LGR5: variants seen among roughly 807,000 people sequenced by gnomAD.
LGR5 encodes leucine-rich repeat-containing G protein-coupled receptor 5.
A neutral mutation model predicts 76.7 loss-of-function variants in LGR5; 54 were observed. The ratio of observed to expected loss-of-function variants is 0.70; its 90% CI spans 0.57 to 0.88. The LOEUF (loss-of-function observed/expected upper bound fraction) is 0.88. LGR5 is among the 40% of genes least tolerant of loss of function. The pLI is 0.00. For missense variants in LGR5, 1,078 were observed against 1,073.3 expected (o/e 1.00, Z -0.06); for synonymous variants, 406 against 421.9 (o/e 0.96, Z 0.46).
rs934262969 is a variant in LGR5 at position 71,583,911 on chromosome 12, G to C, written c.1901G>C (p.Gly634Ala). 2 of 1,614,030 alleles carry C rather than the reference G, an allele frequency of 1.2e-6. No homozygotes were observed. The highest frequency in any genetic ancestry group is 1.7e-6 in the Non-Finnish European group (2 of 1,180,036). The stretch of plus-strand genomic sequence containing the variant: ...CGACATGGTGCCTGGTGGGAGAATG[G>C]GGTTGGTTGCCATGTCATTGGTTTT... ...FARHGAWWEN[G>A]VGCHVIGFLS... Residue 634 changes from glycine (G) to alanine (A), a missense_variant, in exon 18 of 18, where the codon GGG (glycine) becomes GCG (alanine). Coordinates refer to ENST00000266674, the MANE Select transcript of LGR5 (RefSeq NM_003667.4).
At chr12:71,514,388 G>A (rs1469509912) in intron 2 of LGR5, among the ~76,000 whole-genome samples, 5 of 152,080 alleles carry the variant, frequency 3.3e-5, no homozygotes, top group Middle Eastern at 3.4e-3. Flanking sequence ...CTAACACAGT[G>A]AAACCCCGTA....
At chr12:71,515,680 GA>G (rs1352594812) in intron 2 of LGR5, among the ~76,000 whole-genome samples, 2 of 152,170 alleles carry the variant, frequency 1.3e-5, no homozygotes, top group Non-Finnish European at 2.9e-5. Context: ...CAAATTTCTA[GA>G]AGAAATTAAT....
chr12:71,458,334 T>A (rs1225453906), intron 1 of LGR5, among the ~76,000 whole-genome samples: 1 of 152,092 alleles, frequency 6.6e-6, no homozygotes, highest in African/African-American at 2.4e-5. Context: ...AGGGCCTCTG[T>A]GAGGTTGGAG....
intron 13 of LGR5, among the ~76,000 whole-genome samples, chr12:71,576,914 T>C (rs1239505216): frequency 1.3e-5 from 2 of 152,188 alleles, no homozygotes; most frequent in African/African-American, 4.8e-5. Flanking sequence ...CCGCCATTTG[T>C]AGCTTTTCTA....
chr12:71,515,234 A>T (rs538632028), intron 2 of LGR5, among the ~76,000 whole-genome samples: 1 of 152,390 alleles, frequency 6.6e-6, no homozygotes, highest in Non-Finnish European at 1.5e-5. Context: ...CTATAAATGT[A>T]GTTGGCCCTA....
intron 1 of LGR5, among the ~76,000 whole-genome samples, chr12:71,488,507 A>C: frequency 6.6e-6 from 1 of 152,140 alleles, no homozygotes; most frequent in Non-Finnish European, 1.5e-5. Context: ...CCCAGTTTCC[A>C]CGTTCTAGGC....
At chr12:71,548,269 G>A (rs1402833949) in intron 4 of LGR5, among the ~76,000 whole-genome samples, 2 of 148,628 alleles carry the variant, frequency 1.3e-5, no homozygotes, top group African/African-American at 4.9e-5. Flanking sequence ...AATCAGTGGT[G>A]TATCAGGAAC....
intron 1 of LGR5, among the ~76,000 whole-genome samples, chr12:71,464,513 C>T (rs1055165212): frequency 6.6e-6 from 1 of 151,986 alleles, no homozygotes; most frequent in African/African-American, 2.4e-5. Flanking sequence ...AAGGGTTAAA[C>T]ACAAATAGAG....
intron 1 of LGR5, among the ~76,000 whole-genome samples, chr12:71,483,679 G>C (rs975298195): frequency 2.6e-5 from 4 of 152,156 alleles, no homozygotes; most frequent in Non-Finnish European, 4.4e-5. Flanking sequence ...CCTTGGGAAA[G>C]CTACTTAAGT....
chr12:71,491,881 T>C (rs1874090412), intron 1 of LGR5, among the ~76,000 whole-genome samples: 1 of 150,498 alleles, frequency 6.6e-6, no homozygotes, highest in Non-Finnish European at 1.5e-5. Context: ...TTGAATTTGT[T>C]GCACATAAGT....
intron 1 of LGR5, among the ~76,000 whole-genome samples, chr12:71,501,044 T>C (rs544975986): frequency 9.2e-5 from 14 of 152,324 alleles, no homozygotes; most frequent in South Asian, 6.2e-4. Context: ...TGTGGCTTCA[T>C]TGATTTTTAG....
intron 4 of LGR5, among the ~76,000 whole-genome samples, chr12:71,537,863 C>T (rs968313856): frequency 1.3e-5 from 2 of 152,210 alleles, no homozygotes; most frequent in Non-Finnish European, 2.9e-5. Context: ...AAAGTCTCCA[C>T]TCCATTGCCA....
At chr12:71,445,325 A>G (rs1871938122) in intron 1 of LGR5, among the ~76,000 whole-genome samples, 1 of 152,210 alleles carries the variant, frequency 6.6e-6, no homozygotes. Context: ...CTGGTATATT[A>G]CAAATAAAAC....
At chr12:71,579,286 C>T (rs1148998) in intron 15 of LGR5, among the ~76,000 whole-genome samples, 141,233 of 152,250 alleles carry the variant, frequency 0.93, 66,290 homozygotes, top group East Asian at 1. Flanking sequence ...CTTGTATGTA[C>T]CTAATAAAAT....
chr12:71,492,473 T>C (rs1172725634), intron 1 of LGR5, among the ~76,000 whole-genome samples: 2 of 152,198 alleles, frequency 1.3e-5, no homozygotes, highest in Non-Finnish European at 2.9e-5. Context: ...GTTGGTTTAT[T>C]AGGGTGGGGT....
At chr12:71,457,582 T>C (rs1197312182) in intron 1 of LGR5, among the ~76,000 whole-genome samples, 1 of 152,140 alleles carries the variant, frequency 6.6e-6, no homozygotes, top group African/African-American at 2.4e-5. Flanking sequence ...GATAGTTTCA[T>C]GGGCTGCATA....
Position 71,584,994 on chromosome 12 carries a change from G to T in LGR5, c.*260G>T. 2.7e-6 allele frequency: 1 copy of T among 373,650 alleles called. No individual in the cohort carries two copies. Among genetic ancestry groups the T allele is most frequent in the Non-Finnish European group, 4.8e-6 (1 of 209,314 alleles). The allele number at this position is 373,650 out of a possible 1,614,324, so 23.1% of individuals were successfully genotyped here. On this transcript the variant is annotated 3_prime_UTR_variant, in exon 18 of 18. Transcript: ENST00000266674. ...TAAGTGAGCCCAGATCAAAAAAGCA[G>T]ATTGAAATTTTCTTTAGAAAAGATT...
rs1288001471 is a variant in LGR5 at position 71,549,148 on chromosome 12, C to CA, written c.429-3924dup. Among the ~76,000 whole-genome samples, 11 of 152,376 alleles carry CA rather than the reference C, an allele frequency of 7.2e-5. No homozygotes were observed. The East Asian group carries it at 1.5e-3, about 21-fold the overall frequency. On this transcript the variant is annotated intron_variant, in intron 4 of 17. Coordinates refer to ENST00000266674, the MANE Select transcript of LGR5 (RefSeq NM_003667.4). Reference sequence around the variant, plus strand: ...TCTGCCCTGTCAGCTGCTTTGTCCACAGTCTTAACCTTGTTGTGGAAGAAC... The same window carrying CA: ...TCTGCCCTGTCAGCTGCTTTGTCCACAAGTCTTAACCTTGTTGTGGAAGAAC...
At chr12:71,506,552 C>A (rs1040846563) in intron 2 of LGR5, among the ~76,000 whole-genome samples, 1 of 152,082 alleles carries the variant, frequency 6.6e-6, no homozygotes, top group Non-Finnish European at 1.5e-5. Context: ...ACTATTAATA[C>A]TTTTCTGCCT....
Sources: gnomAD v4.1 joint callset for allele counts (sites outside exome capture counted in the v4.1 genomes callset) on GRCh38, gnomAD v4.1.1 for gene constraint, MANE v1.5 for transcripts, NCBI Gene and HGNC (gene_info 2026-07-23, HGNC 2026-07-21) for gene names.